PCDH11X: variants seen among roughly 807,000 people sequenced by gnomAD.
PCDH11X encodes the protein protocadherin-11 X-linked.
PCDH11X carries 18 observed loss-of-function variants against 53.3 expected under a neutral mutation model. The observed-to-expected ratio is 0.34, with a 90% CI of 0.23 to 0.50. The LOEUF is 0.50. Among genes scored for constraint, PCDH11X ranks in the 20% least tolerant of loss-of-function variants. The pLI, the probability that PCDH11X is intolerant of heterozygous loss-of-function variation, is 0.98. For synonymous variants in PCDH11X, 279 were observed against 393.3 expected, an observed-to-expected ratio of 0.71 and a Z score of 3.44; for missense variants, 570 against 1,032.4, an observed-to-expected ratio of 0.55 and a Z score of 6.14.
chrX:92,460,875 C>T, intron 9 of PCDH11X: 1 of 1,012,220 alleles, frequency 9.9e-7, no homozygotes, highest in Admixed American at 2.2e-5. Context: ...GCAAACCATC[C>T]AAAAGACCAC....
chrX:92,130,209 T>C (rs1228136709), intron 6 of PCDH11X, among the ~76,000 whole-genome samples: 2 of 111,440 alleles, frequency 1.8e-5, no homozygotes, highest in African/African-American at 6.5e-5. Context: ...CTTTCTGTTA[T>C]TATTGTAAAG....
intron 6 of PCDH11X, among the ~76,000 whole-genome samples, chrX:92,056,204 T>C (rs1315563871): frequency 9.0e-6 from 1 of 111,552 alleles, no homozygotes; most frequent in Non-Finnish European, 1.9e-5. Flanking sequence ...CATCTGTTAT[T>C]TTTTGACTTT....
At chrX:92,043,803 A>T (rs1388522657) in intron 6 of PCDH11X, among the ~76,000 whole-genome samples, 2 of 111,416 alleles carry the variant, frequency 1.8e-5, no homozygotes, top group African/African-American at 6.5e-5. Context: ...ATTGACAAAC[A>T]TCCTATCATA....
intron 8 of PCDH11X, among the ~76,000 whole-genome samples, chrX:92,342,102 G>T (rs1345169790): frequency 1.8e-5 from 2 of 111,594 alleles, no homozygotes; most frequent in Non-Finnish European, 3.8e-5. Context: ...AACGTCAGTA[G>T]TCATCAGATA....
At chrX:92,458,560 C>T (rs1179542351) in intron 9 of PCDH11X, among the ~76,000 whole-genome samples, 1 of 111,468 alleles carries the variant, frequency 9.0e-6, no homozygotes, top group African/African-American at 3.3e-5. Flanking sequence ...TGGCAATCAT[C>T]ATTTCACTCT....
intron 8 of PCDH11X, among the ~76,000 whole-genome samples, chrX:92,351,024 A>T (rs2070032286): frequency 1.8e-5 from 2 of 112,074 alleles, no homozygotes; most frequent in African/African-American, 6.5e-5. Flanking sequence ...ATGATTTTCA[A>T]TTCAAAGTGG....
chrX:91,883,737 G>A (rs1256218850), intron 6 of PCDH11X: 19 of 567,819 alleles, frequency 3.3e-5, no homozygotes, highest in Admixed American at 9.1e-5. Flanking sequence ...CCCGGGAGGC[G>A]GAGCTTGCAG....
At chrX:92,165,692 T>A (rs2065721572) in intron 6 of PCDH11X, among the ~76,000 whole-genome samples, 1 of 111,992 alleles carries the variant, frequency 8.9e-6, no homozygotes, top group Non-Finnish European at 1.9e-5. Flanking sequence ...CATGTTCAGA[T>A]TTCAGTAGCT....
intron 6 of PCDH11X, among the ~76,000 whole-genome samples, chrX:92,081,703 G>A (rs938534893): frequency 2.5e-4 from 21 of 82,808 alleles, no homozygotes; most frequent in Non-Finnish European, 4.5e-4. Context: ...AACTTTGGCT[G>A]AGCCAATAAC....
chrX:92,553,554 T>C (rs2074998110), intron 10 of PCDH11X, among the ~76,000 whole-genome samples: 1 of 109,441 alleles, frequency 9.1e-6, no homozygotes, highest in Admixed American at 9.8e-5. Flanking sequence ...TGTATTGTTT[T>C]CATTTTAATT....
At chrX:92,614,797 G>A (rs1004999295) in intron 10 of PCDH11X, among the ~76,000 whole-genome samples, 5 of 111,443 alleles carry the variant, frequency 4.5e-5, no homozygotes, top group African/African-American at 1.6e-4. Context: ...TCTGGACAGG[G>A]ATTAGGGGAG....
chrX:91,976,053 C>A (rs770807474), intron 6 of PCDH11X, among the ~76,000 whole-genome samples: 94 of 111,316 alleles, frequency 8.4e-4, no homozygotes, highest in Middle Eastern at 4.6e-3. Flanking sequence ...TTATTATTTT[C>A]TTTTCGTTGT....
At chrX:92,008,529 G>A (rs1406570040) in intron 6 of PCDH11X, among the ~76,000 whole-genome samples, 2 of 110,451 alleles carry the variant, frequency 1.8e-5, no homozygotes, top group Non-Finnish European at 3.8e-5. Context: ...TGGTAGCATC[G>A]GTAATTCTAC....
At chrX:92,555,887 A>C (rs900721607) in intron 10 of PCDH11X, among the ~76,000 whole-genome samples, 2 of 111,688 alleles carry the variant, frequency 1.8e-5, no homozygotes, top group African/African-American at 6.5e-5. Context: ...TAATTTGTAA[A>C]GGTAAGAGGT....
chrX:92,251,404 A>T (rs2067458954), intron 7 of PCDH11X, among the ~76,000 whole-genome samples: 1 of 111,092 alleles, frequency 9.0e-6, no homozygotes, highest in Admixed American at 9.7e-5. Flanking sequence ...GGGATTGAGG[A>T]TATAGCAGTA....
intron 9 of PCDH11X, among the ~76,000 whole-genome samples, chrX:92,425,008 T>C (rs758142228): frequency 2.1e-5 from 2 of 96,888 alleles, no homozygotes; most frequent in East Asian, 6.1e-4. Flanking sequence ...GGCTAACTGG[T>C]AGTGGTATCT....
intron 6 of PCDH11X, among the ~76,000 whole-genome samples, chrX:92,196,095 A>G (rs1460098791): frequency 8.9e-6 from 1 of 112,118 alleles, no homozygotes; most frequent in Non-Finnish European, 1.9e-5. Flanking sequence ...CATGTAATCT[A>G]CAGAGTCCTT....
chrX:92,064,715 A>G (rs970922816), intron 6 of PCDH11X, among the ~76,000 whole-genome samples: 24 of 109,968 alleles, frequency 2.2e-4, no homozygotes, highest in Non-Finnish European at 4.3e-4. Context: ...TAAATTGGAC[A>G]GTGCAATAAA....
intron 8 of PCDH11X, among the ~76,000 whole-genome samples, chrX:92,341,323 T>G (rs766473342): frequency 2.5e-4 from 28 of 111,866 alleles, no homozygotes; most frequent in African/African-American, 9.1e-4. Context: ...AACCTTCGCC[T>G]GCTATTCAGT....
Sources: gnomAD v4.1 joint callset for allele counts (sites outside exome capture counted in the v4.1 genomes callset) on GRCh38, gnomAD v4.1.1 for gene constraint, MANE v1.5 for transcripts, NCBI Gene and HGNC (gene_info 2026-07-23, HGNC 2026-07-21) for gene names.